TBC1D30: variants seen among roughly 807,000 people sequenced by gnomAD.
The protein encoded by TBC1D30 is TBC1 domain family, member 30.
TBC1D30 carries 31 observed loss-of-function variants against 63.2 expected under a neutral mutation model. The ratio of observed to expected loss-of-function variants is 0.49; its 90% confidence interval spans 0.37 to 0.66. The LOEUF is 0.66. Among genes scored for constraint, TBC1D30 ranks in the 30% least tolerant of loss-of-function variants. TBC1D30 has a pLI of 0.00. For missense variants in TBC1D30, 810 were observed against 953.6 expected (o/e 0.85, Z 1.98); for synonymous variants, 307 against 361.5 (o/e 0.85, Z 1.71).
upstream of TBC1D30, among the ~76,000 whole-genome samples, chr12:64,823,080 T>A (rs2136348240): frequency 6.6e-6 from 1 of 152,288 alleles, no homozygotes; most frequent in African/African-American, 2.4e-5. Flanking sequence ...GTTTCCCATA[T>A]AAATATATAA....
At chr12:64,781,173 C>T (rs1871262560) in exon 1 of TBC1D30, 7 of 1,041,510 alleles carry the variant, frequency 6.7e-6, no homozygotes, top group Non-Finnish European at 8.1e-6. Context: ...ACCGAGGCCT[C>T]GGGCTCCGAC....
At chr12:64,830,317 A>G in intron 3 of TBC1D30, 60 bp from the exon 4 acceptor site, 6 of 1,440,282 alleles carry the variant, frequency 4.2e-6, no homozygotes, top group Non-Finnish European at 5.5e-6. Context: ...ACTACTTTCT[A>G]ATAAAGGTGA....
At chr12:64,809,567 G>A (rs1431158459) in intron 2 of TBC1D30, among the ~76,000 whole-genome samples, 1 of 152,192 alleles carries the variant, frequency 6.6e-6, no homozygotes, top group African/African-American at 2.4e-5. Flanking sequence ...ATGTGCAAGT[G>A]TCCTTTTCAA....
chr12:64,865,594 G>A (rs55733744), intron 9 of TBC1D30, among the ~76,000 whole-genome samples: 15,883 of 152,022 alleles, frequency 0.1, 1,123 homozygotes, highest in Admixed American at 0.2. Context: ...GGTGGCTCAC[G>A]CCCGTAATCC....
At chr12:64,818,116 C>A (rs987477783) in intron 2 of TBC1D30, among the ~76,000 whole-genome samples, 3 of 151,364 alleles carry the variant, frequency 2.0e-5, no homozygotes, top group African/African-American at 7.3e-5. Flanking sequence ...GGAATCTCAG[C>A]TAAATGGTTC....
chr12:64,876,800 C>A lies in TBC1D30; in HGVS notation c.*1012C>A. On this transcript the variant is annotated 3_prime_UTR_variant, in exon 12 of 12. Transcript: ENST00000539867. ...CCTTTCTCTGGAGAAGGCCCCAGTG[C>A]TTTCTAGCTCCCTCTCACTCCTGCC... The A allele has an allele frequency of 4.4e-6, 2 of 456,100 alleles. No individual in the cohort carries two copies. The highest frequency in any genetic ancestry group is 3.1e-5 in the South Asian group (2 of 64,564). The allele number at this position is 456,100 out of a possible 1,614,324, so 28.3% of individuals were successfully genotyped here. A position where few individuals can be genotyped will look rare whatever the true frequency, so the allele number is the denominator to read the frequency against.
At chr12:64,835,036 A>G (rs181293970) in intron 5 of TBC1D30, among the ~76,000 whole-genome samples, 79 of 152,268 alleles carry the variant, frequency 5.2e-4, no homozygotes, top group African/African-American at 1.8e-3. Context: ...ATCCTGATCC[A>G]TAGAGTGCTA....
At chr12:64,857,342 A>G (rs1257712944) in intron 8 of TBC1D30, among the ~76,000 whole-genome samples, 1 of 152,030 alleles carries the variant, frequency 6.6e-6, no homozygotes, top group East Asian at 1.9e-4. Flanking sequence ...CCTTTAAGGC[A>G]GGGGTTCTCT....
intron 9 of TBC1D30, among the ~76,000 whole-genome samples, chr12:64,865,984 C>G (rs1448167639): frequency 6.6e-6 from 1 of 152,130 alleles, no homozygotes; most frequent in African/African-American, 2.4e-5. Flanking sequence ...ATTTTCCCAC[C>G]TTAGTCTCCT....
chr12:64,773,461 C>T (rs1367874152), intron 1 of TBC1D30, among the ~76,000 whole-genome samples: 2 of 152,210 alleles, frequency 1.3e-5, no homozygotes, highest in Admixed American at 6.5e-5. Flanking sequence ...TATCCCAGCA[C>T]AGCATGGCTG....
At chr12:64,817,060 C>A (rs1030611620) in intron 2 of TBC1D30, among the ~76,000 whole-genome samples, 1 of 152,156 alleles carries the variant, frequency 6.6e-6, no homozygotes, top group African/African-American at 2.4e-5. Flanking sequence ...TAACTTAGTC[C>A]TTTGGAGCAA....
chr12:64,859,083 T>C (rs962915293), intron 8 of TBC1D30, among the ~76,000 whole-genome samples: 1 of 148,536 alleles, frequency 6.7e-6, no homozygotes, highest in Non-Finnish European at 1.5e-5. Flanking sequence ...TGCGAGGGTG[T>C]TGTGTGTGTG....
At chr12:64,824,351 G>A (rs1280197414), upstream of TBC1D30, among the ~76,000 whole-genome samples, 1 of 152,206 alleles carries the variant, frequency 6.6e-6, no homozygotes, top group Non-Finnish European at 1.5e-5. Context: ...AAGTGGGAGA[G>A]GATGCTTGCC....
intron 1 of TBC1D30, among the ~76,000 whole-genome samples, chr12:64,773,580 G>A (rs1046612335): frequency 1.3e-5 from 2 of 152,230 alleles, no homozygotes; most frequent in Admixed American, 6.5e-5. Context: ...CTACAGGTGT[G>A]TTTGAGCCAG....
At chr12:64,808,329 C>T (rs1873004062) in intron 2 of TBC1D30, among the ~76,000 whole-genome samples, 1 of 152,188 alleles carries the variant, frequency 6.6e-6, no homozygotes, top group South Asian at 2.1e-4. Flanking sequence ...TAGGTGCTTA[C>T]TACTTCCAGG....
At chr12:64,761,328 T>C (rs1870502736) in intron 1 of TBC1D30, among the ~76,000 whole-genome samples, 1 of 152,210 alleles carries the variant, frequency 6.6e-6, no homozygotes, top group Non-Finnish European at 1.5e-5. Context: ...GCCCACTTTG[T>C]TCAGGATGCT....
chr12:64,762,461 A>G (rs991689859), intron 1 of TBC1D30, among the ~76,000 whole-genome samples: 2 of 152,230 alleles, frequency 1.3e-5, no homozygotes, highest in Non-Finnish European at 2.9e-5. Context: ...AGTGGATAAC[A>G]GGGACAGATT....
chr12:64,832,173 A>G lies in TBC1D30; in HGVS notation c.463A>G (p.Arg155Gly). 2.6e-6 allele frequency: 4 copies of G among 1,536,170 alleles called. No homozygotes were observed. Among genetic ancestry groups the G allele is most frequent in the Non-Finnish European group, 3.5e-6 (4 of 1,146,902 alleles). The change falls in exon 5 of 12, where the codon AGG becomes GGG. Residue 155 changes from arginine (R) to glycine (G), a missense_variant. Around this residue, in one of 4 missense-constraint regions of TBC1D30, gnomAD observed 272 missense variants for 335.9 expected, o/e 0.81. Coordinates refer to ENST00000539867, the MANE Select transcript of TBC1D30 (RefSeq NM_015279.2). Reference protein sequence around the residue: ...SYCGQEAEQDRVVLKRVLLAY... With the variant: ...SYCGQEAEQDGVVLKRVLLAY... ...CTGTGGCCAGGAGGCTGAGCAGGACAGGGTTGTGTTGAAGCGGGTGCTGCT... is the reference window on the plus strand; with the variant it reads ...CTGTGGCCAGGAGGCTGAGCAGGACGGGGTTGTGTTGAAGCGGGTGCTGCT...
At chr12:64,774,080 C>G (rs1322301819) in intron 1 of TBC1D30, among the ~76,000 whole-genome samples, 1 of 152,096 alleles carries the variant, frequency 6.6e-6, no homozygotes, top group Admixed American at 6.5e-5. Flanking sequence ...GACAAAATAG[C>G]CAGAGTGGAG....
Sources: allele counts gnomAD v4.1 joint callset (sites outside exome capture counted in the v4.1 genomes callset), GRCh38; gene constraint gnomAD v4.1.1; regional missense constraint gnomAD v4.1.1; transcripts MANE v1.5; gene names NCBI Gene and HGNC (gene_info 2026-07-23, HGNC 2026-07-21).